ADAMTSL3: variants seen among roughly 807,000 people sequenced by gnomAD.
ADAMTSL3 encodes ADAMTS-like protein 3.
A neutral mutation model predicts 201.7 loss-of-function variants in ADAMTSL3; 128 were observed. The observed-to-expected ratio is 0.63, with a 90% CI of 0.55 to 0.73. ADAMTSL3 has a LOEUF of 0.73. ADAMTSL3 is among the 30% of genes least tolerant of loss of function. The pLI is 0.00. For synonymous variants in ADAMTSL3, 738 were observed against 748.4 expected (o/e 0.99, Z 0.23); for missense variants, 1,990 against 2,119.6 (o/e 0.94, Z 1.20).
At chr15:83,878,629 A>T (rs1193439862) in intron 9 of ADAMTSL3, among the ~76,000 whole-genome samples, 1 of 151,876 alleles carries the variant, frequency 6.6e-6, no homozygotes, top group Non-Finnish European at 1.5e-5. Context: ...AAAAAAATAG[A>T]ATTCATTGTT....
Position 83,660,582 on chromosome 15 carries a change from C to A in ADAMTSL3, c.69+4752C>A, listed in dbSNP as rs181473975. ...AAGACACAGATTTATTGAGAAGTCT[C>A]ATTTCAGTAAGGTATAAATATGGAG... On this transcript the variant is annotated intron_variant, in intron 2 of 29. Coordinates refer to ENST00000286744, the MANE Select transcript of ADAMTSL3 (RefSeq NM_207517.3). Among the ~76,000 whole-genome samples, 28 of 152,262 alleles carry A rather than the reference C, an allele frequency of 1.8e-4. No individual in the cohort carries two copies. The East Asian group carries it at 5.0e-3, about 27-fold the overall frequency.
intron 6 of ADAMTSL3, among the ~76,000 whole-genome samples, chr15:83,836,547 C>A (rs758985974): frequency 1.3e-5 from 2 of 152,142 alleles, no homozygotes; most frequent in African/African-American, 2.4e-5. Flanking sequence ...TCTTCAACAG[C>A]TTGGATATAG....
intron 4 of ADAMTSL3, among the ~76,000 whole-genome samples, chr15:83,783,267 A>G (rs1010073168): frequency 1.1e-4 from 17 of 152,024 alleles, no homozygotes; most frequent in African/African-American, 4.1e-4. Context: ...AAAACAATGT[A>G]TAACTATTCA....
At chr15:83,910,460 G>A (rs62027785) in intron 15 of ADAMTSL3, among the ~76,000 whole-genome samples, 1 of 93,370 alleles carries the variant, frequency 1.1e-5, no homozygotes, top group South Asian at 3.3e-4. Context: ...TAGTTGCCGT[G>A]GGTTTTTTTT....
At chr15:83,822,575 G>A (rs371492024) in intron 6 of ADAMTSL3, among the ~76,000 whole-genome samples, 4 of 145,982 alleles carry the variant, frequency 2.7e-5, no homozygotes, top group Middle Eastern at 3.8e-3. Flanking sequence ...GGGCAGAGGC[G>A]CTCCCCACAT....
intron 4 of ADAMTSL3, among the ~76,000 whole-genome samples, chr15:83,781,190 C>T (rs979629318): frequency 1.3e-5 from 2 of 152,304 alleles, no homozygotes; most frequent in Non-Finnish European, 2.9e-5. Flanking sequence ...CTGGAGGCAT[C>T]ATGCCGCCTG....
intron 3 of ADAMTSL3, among the ~76,000 whole-genome samples, chr15:83,727,323 C>T (rs2062194543): frequency 6.6e-6 from 1 of 151,066 alleles, no homozygotes; most frequent in Non-Finnish European, 1.5e-5. Context: ...TTTTGTTTAT[C>T]TTTTCAAAAA....
chr15:83,776,412 T>C (rs1488767183), intron 4 of ADAMTSL3, among the ~76,000 whole-genome samples: 3 of 152,174 alleles, frequency 2.0e-5, no homozygotes, highest in Non-Finnish European at 4.4e-5. Context: ...AATCAAATTA[T>C]ATATAATTAA....
rs2064327639 is a variant in ADAMTSL3 at position 83,839,068 on chromosome 15, G to GT, written c.727+854dup. Among the ~76,000 whole-genome samples the GT allele has an allele frequency of 3.9e-5, 6 of 152,120 alleles. No individual in the cohort carries two copies. The South Asian group carries it at 1.0e-3, about 26-fold the overall frequency. On this transcript the variant is annotated intron_variant, in intron 7 of 29. Coordinates refer to ENST00000286744, the MANE Select transcript of ADAMTSL3 (RefSeq NM_207517.3). ...TTTAAAGGAAACAAAAATTATTCAC[G>GT]TATGTTTTCTGCCAGTACTTTTATG...
At chr15:83,836,984 T>C (rs1245761075) in intron 6 of ADAMTSL3, among the ~76,000 whole-genome samples, 1 of 152,170 alleles carries the variant, frequency 6.6e-6, no homozygotes, top group African/African-American at 2.4e-5. Context: ...TTACACATTA[T>C]GTAAAATATA....
chr15:83,672,459 C>G (rs946020160), intron 2 of ADAMTSL3, among the ~76,000 whole-genome samples: 1 of 152,142 alleles, frequency 6.6e-6, no homozygotes, highest in African/African-American at 2.4e-5. Context: ...TGGGTATTCT[C>G]CGTGAAGCTG....
chr15:83,679,793 C>T (rs1358924601), intron 2 of ADAMTSL3, among the ~76,000 whole-genome samples: 1 of 152,170 alleles, frequency 6.6e-6, no homozygotes, highest in East Asian at 1.9e-4. Context: ...AGGAGCACCG[C>T]CTGCCACCAC....
chr15:83,720,247 A>T (rs1467205366), intron 3 of ADAMTSL3, among the ~76,000 whole-genome samples: 1 of 152,112 alleles, frequency 6.6e-6, no homozygotes, highest in Non-Finnish European at 1.5e-5. Context: ...ATAAAGAGAG[A>T]AAACATGTTC....
At chr15:83,850,944 T>C (rs1359224826) in intron 7 of ADAMTSL3, among the ~76,000 whole-genome samples, 1 of 152,184 alleles carries the variant, frequency 6.6e-6, no homozygotes, top group Non-Finnish European at 1.5e-5. Context: ...TCCCTCTCTA[T>C]ATCCTGCGCC....
chr15:83,708,902 T>C lies in ADAMTSL3; in HGVS notation c.189+4394T>C, dbSNP rs749151168. On this transcript the variant is annotated intron_variant, in intron 3 of 29. Transcript: ENST00000286744. The stretch of plus-strand genomic sequence containing the variant: ...GTCAAGAAAACAGAGACGCCAAATG[T>C]GCAAATGACTTACTCAAGGACACCC... Among the ~76,000 whole-genome samples the C allele has an allele frequency of 8.7e-4, 132 of 152,176 alleles. 1 individual carries two copies. The highest frequency in any genetic ancestry group is 2.0e-3 in the Admixed American group (30 of 15,282).
intron 21 of ADAMTSL3, among the ~76,000 whole-genome samples, chr15:83,983,840 A>G (rs1489421042): frequency 6.6e-6 from 1 of 152,134 alleles, no homozygotes; most frequent in Non-Finnish European, 1.5e-5. Context: ...TCCCATGACT[A>G]CTTCATGGCC....
At position 83,707,903 on chromosome 15, in the gene ADAMTSL3, C is replaced by G. The variant is rs1013049105; in HGVS notation, c.189+3395C>G. ...AGCATTACTCTTGCACAGAAATTCC[C>G]AGGTTGTCCCTAAAAGGTTTTCAGA... is the stretch of plus-strand genomic sequence containing the variant. On this transcript the variant is annotated intron_variant, in intron 3 of 29. Transcript: ENST00000286744. Among the ~76,000 whole-genome samples the G allele has an allele frequency of 5.9e-5, 9 of 152,314 alleles. No homozygotes were observed. The East Asian group carries it at 1.7e-3, about 29-fold the overall frequency.
At chr15:83,984,290 T>C (rs2067437820) in intron 21 of ADAMTSL3, among the ~76,000 whole-genome samples, 1 of 152,250 alleles carries the variant, frequency 6.6e-6, no homozygotes, top group African/African-American at 2.4e-5. Context: ...ACAAGGTACT[T>C]TCAAAATGCA....
intron 19 of ADAMTSL3, among the ~76,000 whole-genome samples, chr15:83,969,784 A>G (rs1416846131): frequency 2.6e-5 from 4 of 152,366 alleles, no homozygotes; most frequent in South Asian, 2.1e-4. Context: ...CTAGCTGAAT[A>G]AGTTCTAGAG....
Sources: allele counts gnomAD v4.1 joint callset (sites outside exome capture counted in the v4.1 genomes callset), GRCh38; gene constraint gnomAD v4.1.1; transcripts MANE v1.5; gene names NCBI Gene and HGNC (gene_info 2026-07-23, HGNC 2026-07-21).